RSBN1L: variants seen among roughly 807,000 people sequenced by gnomAD.
RSBN1L encodes the protein round spermatid basic protein 1 like.
RSBN1L carries 30 observed loss-of-function variants against 67.7 expected under a neutral mutation model. The ratio of observed to expected loss-of-function variants is 0.44; its 90% CI spans 0.33 to 0.60. The LOEUF (loss-of-function observed/expected upper bound fraction) is 0.60. Ranked by LOEUF, RSBN1L falls within the 20% of genes least tolerant of loss-of-function variation. The pLI is 0.02. For missense variants in RSBN1L, 992 were observed against 1,031.7 expected (o/e 0.96, Z 0.53); for synonymous variants, 433 against 387.0 (o/e 1.12, Z -1.39).
chr7:77,763,241 G>A lies in RSBN1L; in HGVS notation c.1345-2254G>A, dbSNP rs1312470149. Among the ~76,000 whole-genome samples the A allele has an allele frequency of 2.6e-5, 4 of 151,366 alleles. No individual in the cohort carries two copies. The East Asian group carries it at 7.8e-4, about 29-fold the overall frequency. ...TGATCCTCTTGCCTCTGCCTTCTGG[G>A]TAGCTGGGATTACAGTTTCGTGTCA... On this transcript the variant is annotated intron_variant, in intron 3 of 7. Coordinates refer to ENST00000334955, the MANE Select transcript of RSBN1L (RefSeq NM_198467.3).
intron 3 of RSBN1L, among the ~76,000 whole-genome samples, chr7:77,750,922 G>C (rs1481948180): frequency 6.6e-6 from 1 of 152,188 alleles, no homozygotes; most frequent in African/African-American, 2.4e-5. Context: ...GTAAGGTATT[G>C]TTTAACATTG....
intron 1 of RSBN1L, among the ~76,000 whole-genome samples, chr7:77,720,767 T>C (rs1053016472): frequency 2.8e-5 from 4 of 140,494 alleles, no homozygotes; most frequent in Admixed American, 7.1e-5. Flanking sequence ...CTTTTTCTTT[T>C]TTTTTTTTTT....
At chr7:77,760,853 A>G (rs1314780420) in intron 3 of RSBN1L, among the ~76,000 whole-genome samples, 2 of 152,174 alleles carry the variant, frequency 1.3e-5, no homozygotes, top group African/African-American at 2.4e-5. Flanking sequence ...CCAGGCTGGT[A>G]TCAAACTCTT....
rs1791954471 is a variant in RSBN1L, at chr7:77,778,880, G to T, written c.2253G>T (p.Gln751His). The T allele has an allele frequency of 1.9e-6, 3 of 1,613,864 alleles. No homozygotes were observed. Among genetic ancestry groups the T allele is most frequent in the Non-Finnish European group, 2.5e-6 (3 of 1,179,922 alleles). ...TTCATTCTAAATATGAATTACAGCAGATTAAACATGAACCTATTGCATCTG... is the reference window on the plus strand; with the variant it reads ...TTCATTCTAAATATGAATTACAGCATATTAAACATGAACCTATTGCATCTG... The part of the protein sequence containing the change: ...DKLHSKYELQ[Q>H]IKHEPIASVR... Residue 751 changes from glutamine to histidine, a missense_variant, in exon 8 of 8, where the codon CAG becomes CAT. Coordinates refer to ENST00000334955, the MANE Select transcript of RSBN1L (RefSeq NM_198467.3).
intron 3 of RSBN1L, chr7:77,759,470 G>A (rs1252393920): frequency 2.0e-5 from 3 of 152,028 alleles, no homozygotes; most frequent in Non-Finnish European, 4.4e-5. Flanking sequence ...CAGAAGTGAT[G>A]GATAATGGCT....
chr7:77,701,113 C>G (rs1288145087), intron 1 of RSBN1L, among the ~76,000 whole-genome samples: 1 of 42,960 alleles, frequency 2.3e-5, no homozygotes, highest in East Asian at 3.4e-4. Context: ...GATGGCGTCA[C>G]TGTACTCCAG....
At chr7:77,778,478 A>G in intron 7 of RSBN1L, 32 bp downstream of exon 7, 1 of 1,595,654 alleles carries the variant, frequency 6.3e-7, no homozygotes, top group Non-Finnish European at 8.5e-7. Context: ...TCTTTGGTTT[A>G]GTTTTTATTA....
rs774928887 is a variant in RSBN1L at position 77,749,631 on chromosome 7, T to C, written c.911T>C (p.Val304Ala). ...GILNDNIKDY[V>A]GKNLDTKNYD... ...CTAAATGATAACATAAAAGATTACG[T>C]TGGGAAGAATTTGGATACCAAGAAC... The change falls in exon 3 of 8, where the codon GTT becomes GCT. Residue 304 changes from valine to alanine, a missense_variant. Val to Ala is a moderately conservative substitution (Grantham distance 64). Around this residue, in one of 7 missense-constraint regions of RSBN1L, gnomAD observed 575 missense variants for 483.2 expected, o/e 1.19. Transcript: ENST00000334955. 3.7e-6 allele frequency: 6 copies of C among 1,613,868 alleles called. No individual in the cohort carries two copies. The African/African-American group carries it at 4.0e-5, about 11-fold the overall frequency.
At chr7:77,697,967 C>G (rs1790763277) in intron 1 of RSBN1L, among the ~76,000 whole-genome samples, 1 of 152,168 alleles carries the variant, frequency 6.6e-6, no homozygotes. Context: ...TTTATGTGAT[C>G]GCAAGCTTAA....
Position 77,736,496 on chromosome 7 carries a change from G to A in RSBN1L, c.673G>A (p.Glu225Lys), listed in dbSNP as rs770012680. The A allele has an allele frequency of 4.6e-6, 6 of 1,305,022 alleles. No individual in the cohort carries two copies. Among genetic ancestry groups the A allele is most frequent in the Non-Finnish European group, 6.3e-6 (6 of 953,912 alleles). 80.8% of individuals were successfully genotyped at this position (1,305,022 alleles called of 1,614,324 possible). Reference sequence around the variant, plus strand: ...TAAAGTAATGAATGAGATCAAGAAAGAGAATGGAGAAGTAAAGATTTTGCT... The same window carrying A: ...TAAAGTAATGAATGAGATCAAGAAAAAGAATGGAGAAGTAAAGATTTTGCT... ...KHKVMNEIKK[E>K]NGEVKILLKS... Residue 225 changes from glutamate to lysine, a missense_variant, in exon 2 of 8, where the codon GAG becomes AAG. Glu to Lys is a moderately conservative substitution (Grantham distance 56, BLOSUM62 1). Transcript: ENST00000334955.
rs1791977798 is a variant in RSBN1L, at chr7:77,780,042, G to C, written c.*874G>C. 1 of 152,020 alleles carries C rather than the reference G, an allele frequency of 6.6e-6. No homozygotes were observed. The allele number at this position is 152,020 out of a possible 1,614,324, so 9.4% of individuals were successfully genotyped here. A position where few individuals can be genotyped will look rare whatever the true frequency, so the allele number is the denominator to read the frequency against. On this transcript the variant is annotated 3_prime_UTR_variant, in exon 8 of 8. Coordinates refer to ENST00000334955, the MANE Select transcript of RSBN1L (RefSeq NM_198467.3). ...AGATGGGGTTTCATCATGTTGGCCA[G>C]GATGGTCTTGATCTCTTGACCTTGT...
intron 1 of RSBN1L, among the ~76,000 whole-genome samples, chr7:77,698,597 C>G (rs1790772062): frequency 2.0e-5 from 3 of 152,150 alleles, no homozygotes; most frequent in Admixed American, 2.0e-4. Context: ...ACAAATGGTC[C>G]TTAAAGTGAA....
Position 77,778,606 on chromosome 7 carries a change from A to G in RSBN1L, c.1979A>G (p.Tyr660Cys). The part of the protein sequence containing the change: ...EGIRYARIQL[Y>C]DNDIYFIPRN... ...ATTCGCTATGCCAGGATTCAGCTAT[A>G]TGATAATGACATTTATTTTATTCCA... Residue 660 changes from tyrosine (Y) to cysteine (C), a missense_variant, in exon 8 of 8, where the codon TAT (tyrosine) becomes TGT (cysteine). By Grantham distance (194) the Tyr-to-Cys change is radical (BLOSUM62 -2). This residue lies in a region of RSBN1L where 55 missense variants were observed against 112.8 expected (regional missense o/e 0.49). Coordinates refer to ENST00000334955, the MANE Select transcript of RSBN1L (RefSeq NM_198467.3). The G allele has an allele frequency of 2.5e-6, 4 of 1,614,122 alleles. No individual in the cohort carries two copies. Among genetic ancestry groups the G allele is most frequent in the South Asian group, 1.1e-5 (1 of 91,084 alleles).
At chr7:77,699,948 C>A (rs1325256491) in intron 1 of RSBN1L, among the ~76,000 whole-genome samples, 1 of 152,232 alleles carries the variant, frequency 6.6e-6, no homozygotes, top group South Asian at 2.1e-4. Flanking sequence ...AGGCACTCGC[C>A]AACACGCCTG....
At chr7:77,775,531 G>T (rs1791902087) in intron 6 of RSBN1L, among the ~76,000 whole-genome samples, 1 of 152,092 alleles carries the variant, frequency 6.6e-6, no homozygotes, top group Admixed American at 6.6e-5. Context: ...TTCAGTTCAG[G>T]ATATCTCTAA....
chr7:77,720,621 C>T (rs529618497), intron 1 of RSBN1L, among the ~76,000 whole-genome samples: 1 of 152,090 alleles, frequency 6.6e-6, no homozygotes, highest in South Asian at 2.1e-4. Context: ...AGGCACAACA[C>T]GGTTAAGTAA....
At chr7:77,754,305 A>G (rs1370073177) in intron 3 of RSBN1L, among the ~76,000 whole-genome samples, 2 of 152,292 alleles carry the variant, frequency 1.3e-5, no homozygotes, top group East Asian at 1.9e-4. Context: ...CAGCTTTTCA[A>G]GTTTCAAAGA....
intron 2 of RSBN1L, among the ~76,000 whole-genome samples, chr7:77,746,318 C>CA (rs1260052212): frequency 6.6e-6 from 1 of 152,122 alleles, no homozygotes; most frequent in East Asian, 1.9e-4. Flanking sequence ...GGAAAGCAGG[C>CA]ACGCCGTACA....
chr7:77,733,018 G>A lies in RSBN1L; in HGVS notation c.587-3392G>A, dbSNP rs568407583. Among the ~76,000 whole-genome samples, 136 of 152,280 alleles carry A rather than the reference G, an allele frequency of 8.9e-4. No individual in the cohort carries two copies. The Middle Eastern group carries it at 0.027, about 30-fold the overall frequency. On this transcript the variant is annotated intron_variant, in intron 1 of 7. Coordinates refer to ENST00000334955, the MANE Select transcript of RSBN1L (RefSeq NM_198467.3). ...CATTTAAGGTTGGATTTTGGGCTGG[G>A]CGTGGTGGCTTAGGCCTGCAATCTG... is the stretch of plus-strand genomic sequence containing the variant.
Sources: allele counts gnomAD v4.1 joint callset (sites outside exome capture counted in the v4.1 genomes callset), GRCh38; gene constraint gnomAD v4.1.1; regional missense constraint gnomAD v4.1.1; transcripts MANE v1.5; gene names NCBI Gene and HGNC (gene_info 2026-07-23, HGNC 2026-07-21).